The following NCOA3 variants were observed in gnomAD, a reference collection of about 807,000 sequenced individuals.
The protein encoded by NCOA3 is nuclear receptor coactivator 3, also known as CBP-interacting protein.
A neutral mutation model predicts 158.8 loss-of-function variants in NCOA3; 51 were observed. The ratio of observed to expected loss-of-function variants is 0.32; its 90% CI spans 0.26 to 0.41. The LOEUF (loss-of-function observed/expected upper bound fraction) is 0.41, where lower values mean the gene tolerates loss of function less well. Among genes scored for constraint, NCOA3 ranks in the 10% least tolerant of loss-of-function variants. The probability of loss-of-function intolerance (pLI) is 1.00; values close to 1 mark genes in which losing one functional copy is unlikely to be tolerated. For missense variants in NCOA3, 1,510 were observed against 1,746.6 expected (o/e 0.86, Z 2.41); for synonymous variants, 537 against 592.4 (o/e 0.91, Z 1.36).
chr20:47,624,286 C>T (rs1267921525), intron 4 of NCOA3, among the ~76,000 whole-genome samples: 1 of 152,118 alleles, frequency 6.6e-6, no homozygotes, highest in Non-Finnish European at 1.5e-5. Flanking sequence ...ATACAACTCA[C>T]CATAATATAG....
chr20:47,548,632 A>G (rs536402443), intron 1 of NCOA3, among the ~76,000 whole-genome samples: 2 of 152,250 alleles, frequency 1.3e-5, no homozygotes, highest in African/African-American at 2.4e-5. Context: ...GGGGTGGTAC[A>G]TGTCGATAGA....
At chr20:47,530,396 A>G (rs1201791517) in intron 1 of NCOA3, among the ~76,000 whole-genome samples, 1 of 152,110 alleles carries the variant, frequency 6.6e-6, no homozygotes, top group African/African-American at 2.4e-5. Flanking sequence ...AATTGAGACA[A>G]AGTTTTAAAA....
chr20:47,561,638 G>A (rs896094677), intron 1 of NCOA3, among the ~76,000 whole-genome samples: 73 of 152,052 alleles, frequency 4.8e-4, no homozygotes, highest in Non-Finnish European at 8.1e-4. Flanking sequence ...TTTTTAAAGA[G>A]CAGTTTAAGG....
chr20:47,590,142 GATTATATT>G (rs1012497370), intron 2 of NCOA3, among the ~76,000 whole-genome samples: 17 of 151,926 alleles, frequency 1.1e-4, no homozygotes, highest in African/African-American at 4.1e-4. Context: ...CTTGTCATAC[GATTATATT>G]ATAATTATAT....
intron 17 of NCOA3, among the ~76,000 whole-genome samples, chr20:47,644,513 A>G (rs2086658480): frequency 6.6e-6 from 1 of 151,932 alleles, no homozygotes; most frequent in Admixed American, 6.6e-5. Context: ...GTCACGTTCA[A>G]GCTTGGAAAG....
At chr20:47,553,648 G>A (rs2084956886) in intron 1 of NCOA3, among the ~76,000 whole-genome samples, 1 of 149,540 alleles carries the variant, frequency 6.7e-6, no homozygotes. Flanking sequence ...AACATGCGGT[G>A]TTTGGTTTTT....
rs760041472 is a variant in NCOA3, at chr20:47,649,500, G to C, written c.3651+391G>C. ...CTGAAATTATAAAGAAGAAAATAAAGAATACATAATCCTGTTCTCAGTGAT... is the reference window on the plus strand; with the variant it reads ...CTGAAATTATAAAGAAGAAAATAAACAATACATAATCCTGTTCTCAGTGAT... On this transcript the variant is annotated intron_variant, in intron 19 of 22. Transcript: ENST00000371998. Among the ~76,000 whole-genome samples the C allele has an allele frequency of 4.6e-4, 70 of 152,230 alleles. 1 individual carries two copies. Among genetic ancestry groups the C allele is most frequent in the Middle Eastern group, 3.4e-3 (1 of 294 alleles).
chr20:47,613,470 C>T (rs866751764), intron 2 of NCOA3, among the ~76,000 whole-genome samples: 2 of 140,826 alleles, frequency 1.4e-5, no homozygotes, highest in African/African-American at 5.3e-5. Flanking sequence ...GCATGCAAAA[C>T]GTTTGAGCTG....
intron 1 of NCOA3, among the ~76,000 whole-genome samples, chr20:47,511,550 T>TATATATATATACATACAC: frequency 3.8e-5 from 2 of 52,266 alleles, no homozygotes; most frequent in Non-Finnish European, 4.0e-5. Flanking sequence ...TATATATATA[T>TATATATATATACATACAC]ATATATTTCT....
intron 1 of NCOA3, among the ~76,000 whole-genome samples, chr20:47,540,895 G>T (rs530593029): frequency 6.6e-6 from 1 of 152,138 alleles, no homozygotes; most frequent in East Asian, 1.9e-4. Context: ...GAATTCCTGG[G>T]AGATATTTTC....
In NCOA3 at chr20:47,623,895, A is replaced by G. The variant is rs201280607; in HGVS notation, c.84-16A>G. 104 of 1,601,504 alleles carry G rather than the reference A, an allele frequency of 6.5e-5. 1 individual carries two copies. The South Asian group carries it at 8.0e-4, about 12-fold the overall frequency. On this transcript the variant is annotated splice_polypyrimidine_tract_variant and intron_variant, in intron 3 of 22. Transcript: ENST00000371998. The stretch of plus-strand genomic sequence containing the variant: ...ATTATGTCTCCTTTCCCCCCTTTCT[A>G]CGCCTTTTCCCTTAGTCTTACCTGC...
chr20:47,610,385 A>G (rs960791477), intron 2 of NCOA3, among the ~76,000 whole-genome samples: 2 of 151,980 alleles, frequency 1.3e-5, no homozygotes, highest in African/African-American at 4.8e-5. Context: ...ATGCCCAGCT[A>G]ATTTTTGTGT....
At chr20:47,527,600 C>T (rs746666185) in intron 1 of NCOA3, among the ~76,000 whole-genome samples, 25 of 152,096 alleles carry the variant, frequency 1.6e-4, no homozygotes, top group Non-Finnish European at 2.6e-4. Context: ...CAAACCTTAG[C>T]GTGGGCAGAA....
At chr20:47,598,942 A>G (rs2085811066) in intron 2 of NCOA3, among the ~76,000 whole-genome samples, 2 of 152,212 alleles carry the variant, frequency 1.3e-5, no homozygotes, top group Non-Finnish European at 1.5e-5. Context: ...TACCTTTTCT[A>G]TGTTTAGATA....
chr20:47,634,690 G>A (rs1214338374), intron 10 of NCOA3, among the ~76,000 whole-genome samples: 1 of 152,146 alleles, frequency 6.6e-6, no homozygotes, highest in Non-Finnish European at 1.5e-5. Flanking sequence ...TGAAACTCCA[G>A]TTAACATAGC....
rs146332185 is a variant in NCOA3 at position 47,519,160 on chromosome 20, C to T, written c.-99+17141C>T. On this transcript the variant is annotated intron_variant, in intron 1 of 22. Coordinates refer to ENST00000371998, the MANE Select transcript of NCOA3 (RefSeq NM_181659.3). ...CAAAAAAAAAAAAGAAAAAGCCAGG[C>T]ACGGTGGGTCACGCCTGTAATCTCA... Among the ~76,000 whole-genome samples, 1,228 of 125,220 alleles carry T rather than the reference C, an allele frequency of 9.8e-3. 17 individuals carry two copies. Among genetic ancestry groups the T allele is most frequent in the African/African-American group, 0.034 (1,104 of 32,886 alleles). The allele number at this position is 125,220 out of a possible 152,430, so 82.1% of individuals were successfully genotyped here. A position where few individuals can be genotyped will look rare whatever the true frequency, so the allele number is the denominator to read the frequency against.
At chr20:47,633,359 T>G in intron 8 of NCOA3, 137 bp from the exon 9 acceptor site, 1 of 776,946 alleles carries the variant, frequency 1.3e-6, no homozygotes, top group South Asian at 2.0e-5. Context: ...GTGGATATAG[T>G]AGAAATTTGG....
chr20:47,580,293 G>C (rs377102505), intron 1 of NCOA3, among the ~76,000 whole-genome samples: 1 of 151,880 alleles, frequency 6.6e-6, no homozygotes, highest in African/African-American at 2.4e-5. Context: ...GGCCGGGCAC[G>C]GTGGCTCATG....
At chr20:47,524,264 A>G (rs1248666167) in intron 1 of NCOA3, among the ~76,000 whole-genome samples, 1 of 148,180 alleles carries the variant, frequency 6.7e-6, no homozygotes, top group African/African-American at 2.6e-5. Flanking sequence ...GTGATTCACA[A>G]TCTTTTCTAA....
Sources: gnomAD v4.1 joint callset for allele counts (sites outside exome capture counted in the v4.1 genomes callset) on GRCh38, gnomAD v4.1.1 for gene constraint, MANE v1.5 for transcripts, NCBI Gene and HGNC (gene_info 2026-07-23, HGNC 2026-07-21) for gene names.